Variants in MYT1 observed in about 807,000 individuals in gnomAD.
MYT1 encodes myelin transcription factor I.
In MYT1, 23 loss-of-function variants were observed where a neutral mutation model predicts 123.0. The ratio of observed to expected loss-of-function variants is 0.19; its 90% CI spans 0.13 to 0.26. The LOEUF is 0.26. MYT1 is among the 10% of genes least tolerant of loss of function. The pLI is 1.00. For synonymous variants in MYT1, 518 were observed against 575.3 expected, an observed-to-expected ratio of 0.90 and a Z score of 1.43; for missense variants, 1,125 against 1,472.5, an observed-to-expected ratio of 0.76 and a Z score of 3.86.
intron 10 of MYT1, among the ~76,000 whole-genome samples, chr20:64,215,084 T>C (rs35478345): frequency 0.18 from 27,492 of 152,198 alleles, 2,803 homozygotes; most frequent in South Asian, 0.27. Context: ...CTCACAATGG[T>C]TTGAAGCTGC....
chr20:64,221,094 G>A (rs181737717), intron 13 of MYT1, among the ~76,000 whole-genome samples: 1 of 152,184 alleles, frequency 6.6e-6, no homozygotes, highest in Admixed American at 6.5e-5. Flanking sequence ...TGGGCTTCAC[G>A]GGCATTTCCT....
chr20:64,207,581 T>G lies in MYT1; in HGVS notation c.398-13T>G, dbSNP rs895953348. 3 of 1,606,828 alleles carry G rather than the reference T, an allele frequency of 1.9e-6. No individual in the cohort carries two copies. The Admixed American group carries it at 5.0e-5, about 27-fold the overall frequency. The stretch of plus-strand genomic sequence containing the variant: ...TGCTCTCTGGCCCCCACGTTGATTT[T>G]GATTTTGTGCAGGAAGGAGCCCCGT... On this transcript the variant is annotated splice_polypyrimidine_tract_variant and intron_variant, in intron 6 of 22. Coordinates refer to ENST00000328439, the MANE Select transcript of MYT1 (RefSeq NM_004535.3).
intron 4 of MYT1, 24 bp downstream of exon 4, chr20:64,199,946 C>G: frequency 6.2e-7 from 1 of 1,613,308 alleles, no homozygotes; most frequent in Non-Finnish European, 8.5e-7. Flanking sequence ...CCTGTTAGCA[C>G]CAAGCATCGT....
In MYT1 at chr20:64,215,335, T is replaced by G. The variant is rs1197637887; in HGVS notation, c.1631+1688T>G. Among the ~76,000 whole-genome samples the G allele has an allele frequency of 9.2e-5, 14 of 152,198 alleles. 1 individual carries two copies. Among genetic ancestry groups the G allele is most frequent in the Non-Finnish European group, 1.9e-4 (13 of 68,036 alleles). On this transcript the variant is annotated intron_variant, in intron 10 of 22. Transcript: ENST00000328439. Reference sequence around the variant, plus strand: ...AACTAAGTCGCTCATGAGGCTCAAGTGACACTCTGCCGCCCTCAGCCCATG... The same window carrying G: ...AACTAAGTCGCTCATGAGGCTCAAGGGACACTCTGCCGCCCTCAGCCCATG...
chr20:64,176,294 T>C (rs866536486), intron 1 of MYT1, among the ~76,000 whole-genome samples: 22 of 115,094 alleles, frequency 1.9e-4, no homozygotes, highest in South Asian at 1.7e-3. Context: ...CTGCAGCATC[T>C]TTCCCTGTAG....
rs762499588 is a variant in MYT1, at chr20:64,239,922, T to C, written c.3237+19T>C. 3 of 1,609,070 alleles carry C rather than the reference T, an allele frequency of 1.9e-6. No individual in the cohort carries two copies. In the African/African-American group the frequency reaches 4.0e-5, roughly 21 times the overall value. ...GCACATGGTAGGCAGCACGCGGGCC[T>C]GCCGGCACCACAGCTACCCCCCAGG... On this transcript the variant is annotated intron_variant, in intron 22 of 22. Coordinates refer to ENST00000328439, the MANE Select transcript of MYT1 (RefSeq NM_004535.3).
intron 13 of MYT1, among the ~76,000 whole-genome samples, chr20:64,220,249 T>A (rs1187607470): frequency 6.6e-6 from 1 of 152,174 alleles, no homozygotes; most frequent in Admixed American, 6.5e-5. Context: ...CTGTGGAGCA[T>A]GGTGGCCAGC....
In MYT1 at chr20:64,200,045, C is replaced by T. The variant is rs921374623; in HGVS notation, c.86+123C>T. The T allele has an allele frequency of 4.3e-6, 5 of 1,171,658 alleles. No individual in the cohort carries two copies. The African/African-American group carries it at 7.6e-5, about 18-fold the overall frequency. 72.6% of individuals were successfully genotyped at this position (1,171,658 alleles called of 1,614,324 possible). Reference sequence around the variant, plus strand: ...AACACCCCTGGTGAGCCCCTGCTTTCCCTAAGGAGACTGCCTTTCTCCTGG... The same window carrying T: ...AACACCCCTGGTGAGCCCCTGCTTTTCCTAAGGAGACTGCCTTTCTCCTGG... On this transcript the variant is annotated intron_variant, in intron 4 of 22. Coordinates refer to ENST00000328439, the MANE Select transcript of MYT1 (RefSeq NM_004535.3).
rs976019305 is a variant in MYT1 at position 64,186,344 on chromosome 20, G to A, written c.-98-3719G>A. On this transcript the variant is annotated intron_variant, in intron 1 of 22. Coordinates refer to ENST00000328439, the MANE Select transcript of MYT1 (RefSeq NM_004535.3). This position sits in a 1 kb window ranked among gnomAD's most constrained non-coding sequence, Gnocchi z 4.3. The stretch of plus-strand genomic sequence containing the variant: ...CAGGAGACGTGCTCAGGATGGAGCG[G>A]TCTCTGATGTTCCGTTTCCCATTCG... Among the ~76,000 whole-genome samples the A allele has an allele frequency of 6.6e-6, 1 of 152,152 alleles. No homozygotes were observed.
intron 1 of MYT1, among the ~76,000 whole-genome samples, chr20:64,177,784 C>T (rs977621618): frequency 7.2e-5 from 11 of 152,196 alleles, no homozygotes; most frequent in Non-Finnish European, 1.6e-4. Context: ...GTTCCACCTT[C>T]CCCTCAGCCC....
intron 1 of MYT1, among the ~76,000 whole-genome samples, chr20:64,182,153 A>T (rs1320931039): frequency 6.6e-6 from 1 of 152,222 alleles, no homozygotes; most frequent in South Asian, 2.1e-4. Flanking sequence ...AGCAGGAAAA[A>T]AGTTTTTTGT....
In MYT1 at chr20:64,213,492, T is replaced by G; in HGVS notation, c.1518-42T>G. ...ACAGACACCCAGGACAGGACAGGCATGGAGGGGAAGGCTCAGAAACCCCTC... is the reference window on the plus strand; with the variant it reads ...ACAGACACCCAGGACAGGACAGGCAGGGAGGGGAAGGCTCAGAAACCCCTC... On this transcript the variant is annotated intron_variant, in intron 9 of 22. Coordinates refer to ENST00000328439, the MANE Select transcript of MYT1 (RefSeq NM_004535.3). The surrounding 1 kb of genome is among the most constrained non-coding windows in gnomAD (Gnocchi z 5.6). 6.6e-7 allele frequency: 1 copy of G among 1,514,714 alleles called. No homozygotes were observed. The highest frequency in any genetic ancestry group is 2.3e-5 in the East Asian group (1 of 44,330). The allele number at this position is 1,514,714 out of a possible 1,614,324, so 93.8% of individuals were successfully genotyped here.
rs1317677915 is a variant in MYT1 at position 64,185,916 on chromosome 20, CAGTG to C, written c.-98-4146_-98-4143del. 5.3e-5 allele frequency among the ~76,000 whole-genome samples: 8 copies of C among 152,204 alleles called. No individual in the cohort carries two copies. ...AAGAGCCCAGCAGAGCACTGGCTCT[CAGTG>C]GAAGCGTCCTGTCTGGGGCCTGGGT... is the stretch of plus-strand genomic sequence containing the variant. On this transcript the variant is annotated intron_variant, in intron 1 of 22. Coordinates refer to ENST00000328439, the MANE Select transcript of MYT1 (RefSeq NM_004535.3). The surrounding 1 kb of genome is among the most constrained non-coding windows in gnomAD (Gnocchi z 4.5).
intron 7 of MYT1, among the ~76,000 whole-genome samples, chr20:64,210,610 C>G (rs541015496): frequency 6.6e-6 from 1 of 152,226 alleles, no homozygotes; most frequent in Non-Finnish European, 1.5e-5. Flanking sequence ...GGGGACAGCT[C>G]TCGTCCAAAG....
chr20:64,170,192 TTC>T (rs2145687206), intron 1 of MYT1, among the ~76,000 whole-genome samples: 1 of 152,306 alleles, frequency 6.6e-6, no homozygotes, highest in South Asian at 2.1e-4. Context: ...GAATTTTTGC[TTC>T]TCTTTCAAGG....
chr20:64,176,632 G>A (rs1982463802), intron 1 of MYT1, among the ~76,000 whole-genome samples: 1 of 152,268 alleles, frequency 6.6e-6, no homozygotes, highest in African/African-American at 2.4e-5. Flanking sequence ...AGCTGAGGAT[G>A]TTCTCGCCCC....
At chr20:64,223,411 C>T in intron 16 of MYT1, 52 bp downstream of exon 16, 1 of 1,595,406 alleles carries the variant, frequency 6.3e-7, no homozygotes, top group Non-Finnish European at 8.6e-7. Flanking sequence ...CCTCGCTTTG[C>T]TCTCCTTCCA....
intron 4 of MYT1, among the ~76,000 whole-genome samples, chr20:64,201,677 T>A (rs1425547347): frequency 3.3e-5 from 5 of 152,090 alleles, no homozygotes; most frequent in Non-Finnish European, 7.4e-5. Flanking sequence ...CTGATGATGT[T>A]CCCCCTCCCA....
Position 64,218,993 on chromosome 20 carries a change from G to A in MYT1, c.1929G>A (p.Met643Ile), listed in dbSNP as rs200765509. Residue 643 changes from methionine (M) to isoleucine (I), a missense_variant, in exon 12 of 23, where the codon ATG (methionine) becomes ATA (isoleucine). Around this residue, in one of 4 missense-constraint regions of MYT1, gnomAD observed 429 missense variants for 604.1 expected, o/e 0.71. Transcript: ENST00000328439. The surrounding 1 kb of genome is among the most constrained non-coding windows in gnomAD (Gnocchi z 4.0). The part of the protein sequence containing the change: ...ILNLSTRCWE[M>I]PENLSTKPQD... ...ACCTCTCCACGCGCTGCTGGGAGAT[G>A]CCTGAGAACCTCAGCACGAAGCCAC... 338 of 1,613,788 alleles carry A rather than the reference G, an allele frequency of 2.1e-4. 2 individuals are homozygous for A. The highest frequency in any genetic ancestry group is 4.7e-4 in the East Asian group (21 of 44,880).
Sources: gnomAD v4.1 joint callset for allele counts (sites outside exome capture counted in the v4.1 genomes callset) on GRCh38, gnomAD v4.1.1 for gene constraint, gnomAD v4.1.1 regional missense constraint, Gnocchi (gnomAD v3.1) non-coding constraint, MANE v1.5 for transcripts, NCBI Gene and HGNC (gene_info 2026-07-23, HGNC 2026-07-21) for gene names.